PLXDC1: variants seen among roughly 807,000 people sequenced by gnomAD.
PLXDC1 encodes the protein plexin domain-containing protein 1.
PLXDC1 carries 39 observed loss-of-function variants against 61.3 expected under a neutral mutation model. The ratio of observed to expected loss-of-function variants is 0.64; its 90% CI spans 0.49 to 0.83. The LOEUF (loss-of-function observed/expected upper bound fraction) is 0.83, where lower values mean the gene tolerates loss of function less well. Among genes scored for constraint, PLXDC1 ranks in the 40% least tolerant of loss-of-function variants. PLXDC1 has a pLI of 0.00. For missense variants in PLXDC1, 596 were observed against 666.5 expected, an observed-to-expected ratio of 0.89 and a Z score of 1.17; for synonymous variants, 212 against 254.5, an observed-to-expected ratio of 0.83 and a Z score of 1.59.
At chr17:39,138,999 GAC>G (rs1394869334) in intron 2 of PLXDC1, among the ~76,000 whole-genome samples, 2 of 151,932 alleles carry the variant, frequency 1.3e-5, no homozygotes, top group Admixed American at 1.3e-4. Flanking sequence ...CAGCGTCCAT[GAC>G]ACACACACCC....
At chr17:39,151,652 G>C (rs1220206128), upstream of PLXDC1, 17 of 712,400 alleles carry the variant, frequency 2.4e-5, no homozygotes, top group Non-Finnish European at 2.8e-5. This position sits in a 1 kb window ranked among gnomAD's most constrained non-coding sequence, Gnocchi z 5.2. Flanking sequence ...GGGGAGCTGG[G>C]GGGGCCGCTG....
chr17:39,101,648 C>T (rs1910424229), intron 7 of PLXDC1, among the ~76,000 whole-genome samples: 1 of 152,244 alleles, frequency 6.6e-6, no homozygotes, highest in Non-Finnish European at 1.5e-5. Flanking sequence ...GCAGTGGGCG[C>T]TTTGCCCTCA....
At chr17:39,078,940 G>C in intron 10 of PLXDC1, among the ~76,000 whole-genome samples, 164 bp downstream of exon 10, 1 of 152,202 alleles carries the variant, frequency 6.6e-6, no homozygotes, top group Non-Finnish European at 1.5e-5. Context: ...AAGTGGGTCT[G>C]ATTGGCTCAA....
intron 13 of PLXDC1, among the ~76,000 whole-genome samples, chr17:39,069,589 AT>A (rs1598181191): frequency 6.6e-6 from 1 of 151,700 alleles, no homozygotes; most frequent in Admixed American, 6.6e-5. Flanking sequence ...TCCTCTGGGG[AT>A]TTTTTCTGAT....
rs12939016 is a variant in PLXDC1, at chr17:39,090,697, G to C, written c.812-2995C>G. On this transcript the variant is annotated intron_variant, in intron 7 of 13. Coordinates refer to ENST00000315392, the MANE Select transcript of PLXDC1 (RefSeq NM_020405.5). Reference sequence around the variant, plus strand: ...AGGACCCCAGGAGCCCTCGAAGCATGTGAGCCCCTTTTCTCTCTGCCCCGA... The same window carrying C: ...AGGACCCCAGGAGCCCTCGAAGCATCTGAGCCCCTTTTCTCTCTGCCCCGA... 1.9e-3 allele frequency among the ~76,000 whole-genome samples: 288 copies of C among 152,342 alleles called. 2 individuals carry two copies. The highest frequency in any genetic ancestry group is 6.4e-3 in the African/African-American group (265 of 41,578).
chr17:39,109,894 G>A (rs1335887883), intron 2 of PLXDC1, among the ~76,000 whole-genome samples: 1 of 152,212 alleles, frequency 6.6e-6, no homozygotes, highest in African/African-American at 2.4e-5. Flanking sequence ...TGTAATCCCA[G>A]CACTTTGGGA....
At chr17:39,125,503 T>C (rs1730841897) in intron 2 of PLXDC1, among the ~76,000 whole-genome samples, 1 of 152,166 alleles carries the variant, frequency 6.6e-6, no homozygotes, top group Non-Finnish European at 1.5e-5. Context: ...TGTGGGCTTT[T>C]TGAGGGATTG....
intron 8 of PLXDC1, 110 bp downstream of exon 8, chr17:39,087,496 CG>C (rs1555570749): frequency 1.2e-6 from 1 of 808,100 alleles, no homozygotes; most frequent in Non-Finnish European, 2.1e-6. Context: ...TGGAGGGCCC[CG>C]AAAAGTTAGG....
chr17:39,134,684 C>G (rs886897280), intron 2 of PLXDC1, among the ~76,000 whole-genome samples: 5 of 151,210 alleles, frequency 3.3e-5, no homozygotes, highest in Admixed American at 2.6e-4. Context: ...AGAAAACAAC[C>G]ACATCTAGAA....
intron 7 of PLXDC1, among the ~76,000 whole-genome samples, chr17:39,089,245 CCT>C (rs1909863407): frequency 6.6e-6 from 1 of 152,208 alleles, no homozygotes; most frequent in African/African-American, 2.4e-5. Flanking sequence ...CATGATCCTG[CCT>C]CTCTGGCCAC....
intron 7 of PLXDC1, among the ~76,000 whole-genome samples, chr17:39,104,302 T>C (rs76837421): frequency 6.6e-6 from 1 of 152,322 alleles, no homozygotes; most frequent in East Asian, 1.9e-4. Context: ...GGTCAGATGC[T>C]TGTGGAAAGT....
chr17:39,152,247 G>A (rs1327651190), upstream of PLXDC1, among the ~76,000 whole-genome samples: 4 of 151,296 alleles, frequency 2.6e-5, no homozygotes, highest in Non-Finnish European at 4.4e-5. Flanking sequence ...GAGGGGGCCT[G>A]GCTACCCCTT....
chr17:39,072,358 T>C, intron 12 of PLXDC1, 92 bp downstream of exon 12: 1 of 900,666 alleles, frequency 1.1e-6, no homozygotes, highest in South Asian at 1.4e-5. Context: ...TCCGCACTCA[T>C]AAAAATAGCC....
intron 2 of PLXDC1, among the ~76,000 whole-genome samples, chr17:39,130,732 G>A (rs958735119): frequency 1.3e-5 from 2 of 151,770 alleles, no homozygotes; most frequent in African/African-American, 2.4e-5. Flanking sequence ...GGCTAATTTT[G>A]TATTATTTTA....
chr17:39,152,276 C>G (rs2045379135), upstream of PLXDC1, among the ~76,000 whole-genome samples: 1 of 151,838 alleles, frequency 6.6e-6, no homozygotes, highest in African/African-American at 2.4e-5. Context: ...ACAGTCTGGA[C>G]CCCTCCCCAC....
chr17:39,071,830 C>G (rs547464132), intron 12 of PLXDC1, among the ~76,000 whole-genome samples: 5 of 152,184 alleles, frequency 3.3e-5, no homozygotes, highest in Admixed American at 6.5e-5. Flanking sequence ...CAATCTCCAG[C>G]CCCCGGAGCT....
chr17:39,100,257 CAG>C (rs931232040), intron 7 of PLXDC1, among the ~76,000 whole-genome samples: 139 of 152,078 alleles, frequency 9.1e-4, no homozygotes, highest in Middle Eastern at 3.4e-3. Context: ...TTTTTTGAGA[CAG>C]AGTTTCACTC....
At chr17:39,120,686 G>A (rs1398210046) in intron 2 of PLXDC1, among the ~76,000 whole-genome samples, 1 of 148,002 alleles carries the variant, frequency 6.8e-6, no homozygotes, top group African/African-American at 2.5e-5. Context: ...CGACCTCCAG[G>A]GCTCAAGTGA....
intron 2 of PLXDC1, among the ~76,000 whole-genome samples, chr17:39,124,131 T>C (rs751117387): frequency 1.3e-5 from 2 of 152,156 alleles, no homozygotes; most frequent in East Asian, 1.9e-4. Context: ...GGGAGCCCGT[T>C]AGAAATTCAG....
Sources: allele counts gnomAD v4.1 joint callset (sites outside exome capture counted in the v4.1 genomes callset), GRCh38; gene constraint gnomAD v4.1.1; non-coding constraint Gnocchi (gnomAD v3.1); transcripts MANE v1.5; gene names NCBI Gene and HGNC (gene_info 2026-07-23, HGNC 2026-07-21).